OTUD7A: variants seen among roughly 807,000 people sequenced by gnomAD.
The protein encoded by OTUD7A is OTU domain-containing protein 7A.
Under a neutral mutation model 65.7 loss-of-function variants are expected in OTUD7A, and 12 were observed. The ratio of observed to expected loss-of-function variants is 0.18; its 90% CI spans 0.12 to 0.30. The LOEUF is 0.30. Among genes scored for constraint, OTUD7A ranks in the 10% least tolerant of loss-of-function variants. The probability of loss-of-function intolerance (pLI) is 1.00; values close to 1 mark genes in which losing one functional copy is unlikely to be tolerated. For missense variants in OTUD7A, 1,148 were observed against 1,304.8 expected, an observed-to-expected ratio of 0.88 and a Z score of 1.85; for synonymous variants, 641 against 586.3, an observed-to-expected ratio of 1.09 and a Z score of -1.35.
intron 3 of OTUD7A, among the ~76,000 whole-genome samples, chr15:31,577,363 T>C (rs1043687712): frequency 6.6e-6 from 1 of 152,200 alleles, no homozygotes; most frequent in Non-Finnish European, 1.5e-5. Context: ...ACTCAAGCAT[T>C]TCTTTCTACT....
chr15:31,502,173 T>C (rs2041478821), intron 9 of OTUD7A, among the ~76,000 whole-genome samples: 1 of 152,220 alleles, frequency 6.6e-6, no homozygotes, highest in Non-Finnish European at 1.5e-5. Flanking sequence ...GGTAAAGCAT[T>C]TGTATACAAC....
chr15:31,688,796 T>C (rs1202180280), intron 1 of OTUD7A, among the ~76,000 whole-genome samples: 1 of 150,436 alleles, frequency 6.6e-6, no homozygotes, highest in African/African-American at 2.4e-5. Context: ...GTATAAACAA[T>C]TGGTAAATCT....
At chr15:31,753,737 A>ATATC (rs1894729903) in intron 1 of OTUD7A, among the ~76,000 whole-genome samples, 1 of 129,248 alleles carries the variant, frequency 7.7e-6, no homozygotes, top group African/African-American at 2.9e-5. Context: ...ATATATATAT[A>ATATC]TATCTCACAG....
chr15:31,681,341 A>G (rs1892711262), intron 1 of OTUD7A, among the ~76,000 whole-genome samples: 3 of 151,402 alleles, frequency 2.0e-5, no homozygotes, highest in Admixed American at 2.0e-4. Flanking sequence ...CCACCCACCT[A>G]TGCATGTTTC....
At chr15:31,606,368 G>T (rs1243813963) in intron 3 of OTUD7A, among the ~76,000 whole-genome samples, 1 of 152,222 alleles carries the variant, frequency 6.6e-6, no homozygotes, top group African/African-American at 2.4e-5. Flanking sequence ...CGTGCACAGA[G>T]TTAGTAGCTT....
chr15:31,679,287 C>T (rs941506430), intron 1 of OTUD7A, among the ~76,000 whole-genome samples: 3 of 152,120 alleles, frequency 2.0e-5, no homozygotes, highest in African/African-American at 7.2e-5. Flanking sequence ...TGGACTTGGA[C>T]TTCTGGGTTA....
chr15:31,864,448 G>A (rs1050960197), intron 1 of OTUD7A, among the ~76,000 whole-genome samples: 6 of 152,120 alleles, frequency 3.9e-5, no homozygotes, highest in Admixed American at 1.3e-4. Flanking sequence ...GGCAGGGAGC[G>A]AAAGGCACTT....
chr15:31,631,498 C>A (rs962090123), intron 3 of OTUD7A, among the ~76,000 whole-genome samples: 1 of 151,860 alleles, frequency 6.6e-6, no homozygotes, highest in Non-Finnish European at 1.5e-5. Flanking sequence ...GTTACCCGAC[C>A]TTTCTCTCTG....
rs547246006 is a variant in OTUD7A, at chr15:31,479,396, T to C, written c.*3898A>G. On this transcript the variant is annotated 3_prime_UTR_variant, in exon 13 of 13. Coordinates refer to ENST00000307050, the MANE Select transcript of OTUD7A (RefSeq NM_001382637.1). The stretch of plus-strand genomic sequence containing the variant: ...CTTAATTTTAAAGTCCACACCAAGA[T>C]GAGGAGAAAAAAAATCATGGCCATA... 2.6e-5 allele frequency: 4 copies of C among 151,972 alleles called. No homozygotes were observed. The South Asian group carries it at 6.3e-4, about 24-fold the overall frequency. 9.4% of individuals were successfully genotyped at this position (151,972 alleles called of 1,614,324 possible). A position where few individuals can be genotyped will look rare whatever the true frequency, so the allele number is the denominator to read the frequency against.
At chr15:31,700,316 C>T (rs1374791571) in intron 1 of OTUD7A, among the ~76,000 whole-genome samples, 3 of 151,900 alleles carry the variant, frequency 2.0e-5, no homozygotes, top group Admixed American at 1.3e-4. Flanking sequence ...TCCCAAGTGG[C>T]CCTCTCTAGT....
At chr15:31,759,529 T>G (rs936671899) in intron 1 of OTUD7A, among the ~76,000 whole-genome samples, 17 of 152,252 alleles carry the variant, frequency 1.1e-4, no homozygotes, top group African/African-American at 4.1e-4. Flanking sequence ...CACATTGGCA[T>G]GCATTTTTGC....
intron 3 of OTUD7A, among the ~76,000 whole-genome samples, chr15:31,618,198 T>C (rs1890656276): frequency 6.6e-6 from 1 of 152,206 alleles, no homozygotes; most frequent in African/African-American, 2.4e-5. Context: ...TTTGGGTTGG[T>C]TCCAAGTCTT....
At chr15:31,488,816 C>A (rs949178543) in intron 10 of OTUD7A, among the ~76,000 whole-genome samples, 2 of 152,220 alleles carry the variant, frequency 1.3e-5, no homozygotes, top group African/African-American at 4.8e-5. Context: ...CCTCTCCACC[C>A]CCGCACCTCT....
chr15:31,589,027 G>T (rs1244340300), intron 3 of OTUD7A, among the ~76,000 whole-genome samples: 1 of 152,214 alleles, frequency 6.6e-6, no homozygotes, highest in African/African-American at 2.4e-5. Flanking sequence ...GAAGTGCAAG[G>T]GAGACTGGGA....
At chr15:31,768,741 T>G (rs2140911000) in intron 1 of OTUD7A, among the ~76,000 whole-genome samples, 1 of 151,292 alleles carries the variant, frequency 6.6e-6, no homozygotes, top group African/African-American at 2.4e-5. Flanking sequence ...ATAAAGGGGG[T>G]GAAGTAAAGG....
At chr15:31,611,866 G>A (rs183515081) in intron 3 of OTUD7A, among the ~76,000 whole-genome samples, 62 of 152,148 alleles carry the variant, frequency 4.1e-4, no homozygotes, top group African/African-American at 1.4e-3. Flanking sequence ...ACTATAGACC[G>A]ATATCCTTGC....
intron 3 of OTUD7A, among the ~76,000 whole-genome samples, chr15:31,601,239 A>G (rs1311229703): frequency 6.6e-6 from 1 of 152,204 alleles, no homozygotes; most frequent in East Asian, 1.9e-4. Context: ...ATGCAAAACA[A>G]TGGAAATCAT....
chr15:31,600,873 A>G (rs969580478), intron 3 of OTUD7A, among the ~76,000 whole-genome samples: 8 of 152,236 alleles, frequency 5.3e-5, no homozygotes, highest in African/African-American at 1.9e-4. Flanking sequence ...AGGGCATTAC[A>G]TAGTGGTAAA....
intron 3 of OTUD7A, among the ~76,000 whole-genome samples, chr15:31,583,779 G>A (rs1442188076): frequency 6.6e-6 from 1 of 151,974 alleles, no homozygotes; most frequent in Non-Finnish European, 1.5e-5. Flanking sequence ...TGGACTGTGT[G>A]ATGCTCCCTG....
Sources: gnomAD v4.1 joint callset for allele counts (sites outside exome capture counted in the v4.1 genomes callset) on GRCh38, gnomAD v4.1.1 for gene constraint, MANE v1.5 for transcripts, NCBI Gene and HGNC (gene_info 2026-07-23, HGNC 2026-07-21) for gene names.